The following PLXND1 variants were observed in gnomAD, a reference collection of about 807,000 sequenced individuals.
The protein encoded by PLXND1 is plexin-D1.
In PLXND1, 54 loss-of-function variants were observed where a neutral mutation model predicts 197.7. The observed-to-expected ratio is 0.27, with a 90% CI of 0.22 to 0.34. The LOEUF (loss-of-function observed/expected upper bound fraction) is 0.34, where lower values mean the gene tolerates loss of function less well. Among genes scored for constraint, PLXND1 ranks in the 10% least tolerant of loss-of-function variants. The pLI is 1.00. For synonymous variants in PLXND1, 1,180 were observed against 1,161.2 expected (o/e 1.02, Z -0.33); for missense variants, 2,127 against 2,699.2 (o/e 0.79, Z 4.70).
rs752522859 is a variant in PLXND1, at chr3:129,558,505, G to A, written c.5368C>T (p.His1790Tyr). The change falls in exon 33 of 36, where the codon CAC becomes TAC. Residue 1790 changes from histidine (H) to tyrosine (Y), a missense_variant. Transcript: ENST00000324093. The surrounding 1 kb of genome is among the most constrained non-coding windows in gnomAD (Gnocchi z 4.1). ...QFVFDIDKTD[H>Y]IDACLSVIAQ... ...ATGACTGAAAGGCAGGCGTCGATGT[G>A]GTCTGTCTTGTCGATGTCAAAGACA... 11 of 1,613,848 alleles carry A rather than the reference G, an allele frequency of 6.8e-6. No homozygotes were observed. The Admixed American group carries it at 1.8e-4, about 27-fold the overall frequency.
At chr3:129,588,708 T>G (rs1444009883) in intron 2 of PLXND1, among the ~76,000 whole-genome samples, 1 of 152,190 alleles carries the variant, frequency 6.6e-6, no homozygotes, top group Non-Finnish European at 1.5e-5. Context: ...GCAGGAGAGA[T>G]GGCTGGGTTG....
Position 129,605,802 on chromosome 3 carries a change from C to G in PLXND1, c.838G>C (p.Val280Leu), listed in dbSNP as rs753152584. The G allele has an allele frequency of 8.1e-5, 130 of 1,602,414 alleles. No individual in the cohort carries two copies. In the Middle Eastern group the frequency reaches 1.2e-3, roughly 14 times the overall value. ...TCGGACGGGTGCAGGAAGGCGCTCA[C>G]GAAGCCCAGCTTGTGCTGCTCCTTG... ...GAKEQHKLGFVSAFLHPSDPP... is the reference protein window; with the variant it reads ...GAKEQHKLGFLSAFLHPSDPP... The change falls in exon 1 of 36, where the codon GTG becomes CTG. Residue 280 changes from valine to leucine, a missense_variant. Around this residue, in one of 6 missense-constraint regions of PLXND1, gnomAD observed 1,095 missense variants for 1,259.8 expected, o/e 0.87. Coordinates refer to ENST00000324093, the MANE Select transcript of PLXND1 (RefSeq NM_015103.3).
chr3:129,571,849 G>C lies in PLXND1; in HGVS notation c.3078-5C>G. 2 of 1,606,036 alleles carry C rather than the reference G, an allele frequency of 1.2e-6. No individual in the cohort carries two copies. Among genetic ancestry groups the C allele is most frequent in the Non-Finnish European group, 1.7e-6 (2 of 1,176,542 alleles). Reference sequence around the variant, plus strand: ...GCGATGCTGGTATCTGTGCGCCTGGGGGGAGCAGCAGGTTATCAGCAGGGC... The same window carrying C: ...GCGATGCTGGTATCTGTGCGCCTGGCGGGAGCAGCAGGTTATCAGCAGGGC... On this transcript the variant is annotated splice_region_variant and splice_polypyrimidine_tract_variant and intron_variant, in intron 15 of 35. Transcript: ENST00000324093.
intron 1 of PLXND1, among the ~76,000 whole-genome samples, chr3:129,598,985 A>G (rs963304838): frequency 1.3e-5 from 2 of 152,230 alleles, no homozygotes; most frequent in Non-Finnish European, 2.9e-5. Flanking sequence ...AGCAACAACC[A>G]CAGTAATTAT....
chr3:129,575,220 G>C (rs763739586), intron 11 of PLXND1, among the ~76,000 whole-genome samples: 1 of 152,230 alleles, frequency 6.6e-6, no homozygotes, highest in Admixed American at 6.5e-5. Flanking sequence ...CTCTGCAGAG[G>C]GACTGTGTCC....
At chr3:129,559,880 G>T in intron 31 of PLXND1, 97 bp from the exon 32 acceptor site, 1 of 1,060,388 alleles carries the variant, frequency 9.4e-7, no homozygotes, top group Non-Finnish European at 1.3e-6. Flanking sequence ...ATGCCAGGCT[G>T]CTGAATGAGG....
intron 1 of PLXND1, among the ~76,000 whole-genome samples, chr3:129,597,527 A>T (rs1303485354): frequency 2.0e-5 from 3 of 152,132 alleles, no homozygotes; most frequent in Non-Finnish European, 2.9e-5. Context: ...GTGCTACATG[A>T]TTAACGCCCC....
At chr3:129,566,316 G>A in intron 23 of PLXND1, 1 of 606,400 alleles carries the variant, frequency 1.6e-6, no homozygotes, top group Non-Finnish European at 3.0e-6. Flanking sequence ...TCCTCTGTCT[G>A]CTCTACCTGG....
At chr3:129,569,987 G>T in intron 19 of PLXND1, 30 bp from the exon 20 acceptor site, 2 of 1,282,186 alleles carry the variant, frequency 1.6e-6, no homozygotes, top group Non-Finnish European at 1.1e-6. Flanking sequence ...GGGGGTTGTA[G>T]CTTTCCTGGA....
chr3:129,567,627 T>G (rs2085160759), intron 21 of PLXND1, 23 bp from the exon 22 acceptor site: 6 of 1,593,738 alleles, frequency 3.8e-6, no homozygotes, highest in Non-Finnish European at 5.2e-6. Context: ...CGGACAGCCG[T>G]GAGCGGCCCG....
At chr3:129,585,881 G>C (rs545639251) in intron 5 of PLXND1, 71 bp downstream of exon 5, 394 of 1,597,254 alleles carry the variant, frequency 2.5e-4, no homozygotes, top group Non-Finnish European at 3.2e-4. Flanking sequence ...TCCACCTCTC[G>C]GGGCCTGGGT....
chr3:129,563,318 C>G (rs1447009044), intron 25 of PLXND1, 78 bp from the exon 26 acceptor site: 1 of 1,213,172 alleles, frequency 8.2e-7, no homozygotes, highest in African/African-American at 1.5e-5. Context: ...CACCTTCACG[C>G]CCCCGTCCCC....
chr3:129,586,447 C>T (rs1361758416), intron 3 of PLXND1, 141 bp downstream of exon 3: 6 of 1,144,320 alleles, frequency 5.2e-6, no homozygotes, highest in East Asian at 2.6e-5. Context: ...TGTTGGGAGG[C>T]GCAGGACAAG....
Position 129,578,420 on chromosome 3 carries a change from C to A in PLXND1, c.2255G>T (p.Cys752Phe). The A allele has an allele frequency of 6.3e-7, 1 of 1,594,488 alleles. No homozygotes were observed. The highest frequency in any genetic ancestry group is 8.5e-7 in the Non-Finnish European group (1 of 1,170,788). ...ASPNPTSPQD[C>F]PRTLLSPLAP... is the part of the protein sequence containing the mutation. ...CAGGGGTGAGAGCAGGGTCCGGGGG[C>A]AGTCCTGAGGGCTCTGCAGAGGAAA... The change falls in exon 9 of 36, where the codon TGC (cysteine) becomes TTC (phenylalanine). Residue 752 changes from cysteine to phenylalanine, a missense_variant. By Grantham distance (205) the Cys-to-Phe change is radical. Around this residue, in one of 6 missense-constraint regions of PLXND1, gnomAD observed 1,095 missense variants for 1,259.8 expected, o/e 0.87. Transcript: ENST00000324093.
At position 129,605,863 on chromosome 3, in the gene PLXND1, G is replaced by C; in HGVS notation, c.777C>G (p.Pro259=). 1 of 1,613,702 alleles carries C rather than the reference G, an allele frequency of 6.2e-7. No individual in the cohort carries two copies. Among genetic ancestry groups the C allele is most frequent in the Non-Finnish European group, 8.5e-7 (1 of 1,179,914 alleles). The change falls in exon 1 of 36, where the codon CCC becomes CCG. Residue 259 remains proline, a synonymous_variant. Transcript: ENST00000324093. ...TGATCTTGAGGATGTTGTCGTCGGA[G>C]GGGTTGAGGTCGAAGGTGAAGAGCT... ...LAKLFTFDLN[P]SDDNILKIKQ...
chr3:129,587,262 C>T (rs748136327), intron 2 of PLXND1, among the ~76,000 whole-genome samples: 2 of 152,166 alleles, frequency 1.3e-5, no homozygotes, highest in South Asian at 2.1e-4. Flanking sequence ...AGGCTGGGAG[C>T]GGCCGAGGGA....
intron 1 of PLXND1, among the ~76,000 whole-genome samples, chr3:129,604,351 G>A (rs1359105565): frequency 6.6e-6 from 1 of 152,234 alleles, no homozygotes; most frequent in Non-Finnish European, 1.5e-5. Flanking sequence ...CAAAGGCTGG[G>A]CATTAAAAAC....
rs2108760256 is a variant in PLXND1 at position 129,556,907 on chromosome 3, C to G, written c.5586+176G>C. ...CAGAGGGTGCTCTCCTGCCCCCGCT[C>G]CTCAAACTCTGGGAAAATGCATGAC... is the stretch of plus-strand genomic sequence containing the variant. On this transcript the variant is annotated intron_variant, in intron 34 of 35. Transcript: ENST00000324093. 10 of 763,768 alleles carry G rather than the reference C, an allele frequency of 1.3e-5. 1 individual carries two copies. In the South Asian group the frequency reaches 1.8e-4, roughly 14 times the overall value. 47.3% of individuals were successfully genotyped at this position (763,768 alleles called of 1,614,324 possible).
chr3:129,602,876 C>T (rs764896712), intron 1 of PLXND1, among the ~76,000 whole-genome samples: 9 of 152,216 alleles, frequency 5.9e-5, no homozygotes, highest in Non-Finnish European at 1.3e-4. Context: ...TTACTGTCCC[C>T]ACTTCACAGA....
Sources: allele counts gnomAD v4.1 joint callset (sites outside exome capture counted in the v4.1 genomes callset), GRCh38; gene constraint gnomAD v4.1.1; regional missense constraint gnomAD v4.1.1; non-coding constraint Gnocchi (gnomAD v3.1); transcripts MANE v1.5; gene names NCBI Gene and HGNC (gene_info 2026-07-23, HGNC 2026-07-21).